NSD1: variants seen among roughly 807,000 people sequenced by gnomAD.
NSD1 encodes histone-lysine N-methyltransferase, H3 lysine-36 specific.
In NSD1, 26 loss-of-function variants were observed where a neutral mutation model predicts 242.7. The observed-to-expected ratio is 0.11, with a 90% CI of 0.08 to 0.15. The LOEUF (loss-of-function observed/expected upper bound fraction) is 0.15. NSD1 is among the 10% of genes least tolerant of loss of function. The probability of loss-of-function intolerance (pLI) is 1.00; values close to 1 mark genes in which losing one functional copy is unlikely to be tolerated. For missense variants in NSD1, 2,495 were observed against 3,272.8 expected, an observed-to-expected ratio of 0.76 and a Z score of 5.80; for synonymous variants, 1,106 against 1,178.1, an observed-to-expected ratio of 0.94 and a Z score of 1.25.
intron 2 of NSD1, among the ~76,000 whole-genome samples, chr5:177,150,789 GA>G (rs1300564563): frequency 6.6e-6 from 1 of 152,148 alleles, no homozygotes; most frequent in Admixed American, 6.5e-5. Context: ...TGTTATCTCT[GA>G]TTTCTCTTGA....
intron 5 of NSD1, among the ~76,000 whole-genome samples, chr5:177,232,013 C>T (rs1051408757): frequency 6.6e-6 from 1 of 152,114 alleles, no homozygotes; most frequent in African/African-American, 2.4e-5. Context: ...CATCCTCCTG[C>T]TTCAGTCTCA....
intron 21 of NSD1, among the ~76,000 whole-genome samples, 158 bp downstream of exon 21, chr5:177,289,083 G>A (rs1041498630): frequency 6.6e-6 from 1 of 152,184 alleles, no homozygotes; most frequent in African/African-American, 2.4e-5. Flanking sequence ...ACTTTGGGAG[G>A]CTGAGGTGGG....
chr5:177,233,991 T>A (rs1041680985), intron 5 of NSD1, among the ~76,000 whole-genome samples: 4 of 152,190 alleles, frequency 2.6e-5, no homozygotes, highest in African/African-American at 9.7e-5. Flanking sequence ...ATGCCATATA[T>A]GCTGTTGTCA....
rs188977579 is a variant in NSD1, at chr5:177,299,870, G to A, written c.*4411G>A. On this transcript the variant is annotated 3_prime_UTR_variant, in exon 23 of 23. Transcript: ENST00000439151. ...CAGGCCAGAGCAAGGCGGTCTCATC[G>A]AGGTGGGTGCTACCTGTGTGTGTGT... is the stretch of plus-strand genomic sequence containing the variant. 20 of 233,358 alleles carry A rather than the reference G, an allele frequency of 8.6e-5. No individual in the cohort carries two copies. Among genetic ancestry groups the A allele is most frequent in the Non-Finnish European group, 1.4e-4 (17 of 118,140 alleles). The allele number at this position is 233,358 out of a possible 1,614,324, so 14.5% of individuals were successfully genotyped here. A position where few individuals can be genotyped will look rare whatever the true frequency, so the allele number is the denominator to read the frequency against.
rs563837384 is a variant in NSD1 at position 177,265,198 on chromosome 5, A to T, written c.5147-2364A>T. 3.8e-6 allele frequency: 3 copies of T among 782,210 alleles called. No homozygotes were observed. In the African/African-American group the frequency reaches 5.1e-5, roughly 13 times the overall value. The allele number at this position is 782,210 out of a possible 1,614,324, so 48.5% of individuals were successfully genotyped here. A position where few individuals can be genotyped will look rare whatever the true frequency, so the allele number is the denominator to read the frequency against. On this transcript the variant is annotated intron_variant, in intron 14 of 22. Transcript: ENST00000439151. ...TACTTTGTGAGAACCAATGGGAAGGAGTCTGAGCTGCTGGAACCTATTCCC... is the reference window on the plus strand; with the variant it reads ...TACTTTGTGAGAACCAATGGGAAGGTGTCTGAGCTGCTGGAACCTATTCCC...
In NSD1 at chr5:177,212,142, A is replaced by G. The variant is rs556873733; in HGVS notation, c.3743A>G (p.Glu1248Gly). The G allele has an allele frequency of 2.8e-5, 46 of 1,614,110 alleles. No individual in the cohort carries two copies. Among genetic ancestry groups the G allele is most frequent in the Non-Finnish European group, 3.3e-5 (39 of 1,180,010 alleles). The stretch of plus-strand genomic sequence containing the variant: ...TCCAGTGCCAGCATTGGTGACATGG[A>G]AAAGGAGCCAGGAATTCCCAGTTTG... ...DKSSASIGDM[E>G]KEPGIPSLTP... Residue 1248 changes from glutamate (E) to glycine (G), a missense_variant, in exon 5 of 23, where the codon GAA (glutamate) becomes GGA (glycine). Glu to Gly is a moderately conservative substitution (Grantham distance 98). Transcript: ENST00000439151.
chr5:177,207,509 C>G (rs1310198646), intron 4 of NSD1, among the ~76,000 whole-genome samples: 1 of 150,576 alleles, frequency 6.6e-6, no homozygotes, highest in Non-Finnish European at 1.5e-5. Flanking sequence ...GTCTCGATCT[C>G]CTGACCTTGT....
Position 177,213,393 on chromosome 5 carries a change from G to T in NSD1, c.3796+1198G>T, listed in dbSNP as rs184612937. Among the ~76,000 whole-genome samples, 598 of 152,332 alleles carry T rather than the reference G, an allele frequency of 3.9e-3. 5 individuals are homozygous for T. Among genetic ancestry groups the T allele is most frequent in the Non-Finnish European group, 7.2e-3 (490 of 68,036 alleles). Reference sequence around the variant, plus strand: ...TAGTCACAGAGTTGTGCAACAATCAGTGCGATCAATTGTGGAATATTTGCA... The same window carrying T: ...TAGTCACAGAGTTGTGCAACAATCATTGCGATCAATTGTGGAATATTTGCA... On this transcript the variant is annotated intron_variant, in intron 5 of 22. Coordinates refer to ENST00000439151, the MANE Select transcript of NSD1 (RefSeq NM_022455.5).
At chr5:177,291,807 A>G in intron 21 of NSD1, 147 bp from the exon 22 acceptor site, 1 of 776,068 alleles carries the variant, frequency 1.3e-6, no homozygotes, top group South Asian at 1.5e-5. Flanking sequence ...CGTATCTGTG[A>G]TGTACCAGGT....
intron 5 of NSD1, among the ~76,000 whole-genome samples, chr5:177,232,480 G>T (rs1013853954): frequency 1.4e-4 from 21 of 152,212 alleles, no homozygotes; most frequent in African/African-American, 4.6e-4. Context: ...CAATGTGTCA[G>T]TCAGAACACA....
At chr5:177,191,851 C>T in intron 2 of NSD1, 33 bp from the exon 3 acceptor site, 2 of 1,610,172 alleles carry the variant, frequency 1.2e-6, no homozygotes, top group Middle Eastern at 1.7e-4. Context: ...TATTTTGATT[C>T]TTATTGATGC....
chr5:177,295,566 C>T lies in NSD1; in HGVS notation c.*107C>T. On this transcript the variant is annotated 3_prime_UTR_variant, in exon 23 of 23. Transcript: ENST00000439151. The surrounding 1 kb of genome is among the most constrained non-coding windows in gnomAD (Gnocchi z 4.3). The stretch of plus-strand genomic sequence containing the variant: ...TAAAAAAAAACACATCTGCCCCGAA[C>T]ACTTTCCCACTGTTATTCTTTCCTC... The T allele has an allele frequency of 8.1e-6, 9 of 1,112,354 alleles. No individual in the cohort carries two copies. The highest frequency in any genetic ancestry group is 2.1e-4 in the Middle Eastern group (1 of 4,712). The allele number at this position is 1,112,354 out of a possible 1,614,324, so 68.9% of individuals were successfully genotyped here.
chr5:177,211,638 G>T lies in NSD1; in HGVS notation c.3239G>T (p.Gly1080Val). 1 of 1,614,168 alleles carries T rather than the reference G, an allele frequency of 6.2e-7. No homozygotes were observed. The highest frequency in any genetic ancestry group is 8.5e-7 in the Non-Finnish European group (1 of 1,180,028). Reference sequence around the variant, plus strand: ...CGAGAACGTGGAGGTTCATTGAGAGGTGGGGCAGAAGATCCTAGTAAAGAG... The same window carrying T: ...CGAGAACGTGGAGGTTCATTGAGAGTTGGGGCAGAAGATCCTAGTAAAGAG... ...GDRERGGSLR[G>V]GAEDPSKEDP... The change falls in exon 5 of 23, where the codon GGT becomes GTT. Residue 1080 changes from glycine to valine, a missense_variant. This residue lies in a region of NSD1 where 426 missense variants were observed against 411.4 expected (regional missense o/e 1.04). Transcript: ENST00000439151.
intron 18 of NSD1, 147 bp downstream of exon 18, chr5:177,280,981 G>A (rs1011462381): frequency 2.2e-5 from 20 of 908,446 alleles, no homozygotes; most frequent in East Asian, 1.3e-4. Context: ...TCCTTCTACC[G>A]TTTAGAGGCT....
chr5:177,263,542 T>G (rs1218891791), intron 14 of NSD1, among the ~76,000 whole-genome samples: 2 of 152,210 alleles, frequency 1.3e-5, no homozygotes, highest in Non-Finnish European at 2.9e-5. Context: ...AGAAGTTTCT[T>G]GAAGTAAAAC....
chr5:177,293,791 C>G (rs1160815226), intron 22 of NSD1, 41 bp from the exon 23 acceptor site: 2 of 1,609,070 alleles, frequency 1.2e-6, no homozygotes, highest in South Asian at 2.2e-5. Flanking sequence ...TGATATGTAT[C>G]TCTTTTTTCC....
chr5:177,199,242 T>G (rs1762327624), intron 3 of NSD1, among the ~76,000 whole-genome samples: 1 of 152,232 alleles, frequency 6.6e-6, no homozygotes, highest in South Asian at 2.1e-4. Context: ...GCTAGGTGTA[T>G]TAAATGCATT....
chr5:177,296,041 A>G lies in NSD1; in HGVS notation c.*582A>G. On this transcript the variant is annotated 3_prime_UTR_variant, in exon 23 of 23. Transcript: ENST00000439151. ...AAGTTCTGAGGGGCCCTGGGGCTTTAGACTCATTTTGAAATGTCCTTTGTG... is the reference window on the plus strand; with the variant it reads ...AAGTTCTGAGGGGCCCTGGGGCTTTGGACTCATTTTGAAATGTCCTTTGTG... 1 of 260,206 alleles carries G rather than the reference A, an allele frequency of 3.8e-6. No individual in the cohort carries two copies. The highest frequency in any genetic ancestry group is 7.5e-6 in the Non-Finnish European group (1 of 133,078). 16.1% of individuals were successfully genotyped at this position (260,206 alleles called of 1,614,324 possible). A position where few individuals can be genotyped will look rare whatever the true frequency, so the allele number is the denominator to read the frequency against.
intron 5 of NSD1, among the ~76,000 whole-genome samples, chr5:177,215,685 G>A (rs974165557): frequency 1.3e-5 from 2 of 151,750 alleles, no homozygotes; most frequent in African/African-American, 4.8e-5. Context: ...GATTACAGTG[G>A]TTTTGCCATG....
Sources: allele counts gnomAD v4.1 joint callset (sites outside exome capture counted in the v4.1 genomes callset), GRCh38; gene constraint gnomAD v4.1.1; regional missense constraint gnomAD v4.1.1; non-coding constraint Gnocchi (gnomAD v3.1); transcripts MANE v1.5; gene names NCBI Gene and HGNC (gene_info 2026-07-23, HGNC 2026-07-21).